AVL9: variants seen among roughly 807,000 people sequenced by gnomAD.
AVL9 encodes AVL9 cell migration associated.
A neutral mutation model predicts 79.2 loss-of-function variants in AVL9; 49 were observed. The ratio of observed to expected loss-of-function variants is 0.62; its 90% CI spans 0.49 to 0.79. AVL9 has a LOEUF of 0.79. Among genes scored for constraint, AVL9 ranks in the 30% least tolerant of loss-of-function variants. The pLI, the probability that AVL9 is intolerant of heterozygous loss-of-function variation, is 0.00. For missense variants in AVL9, 682 were observed against 776.8 expected, an observed-to-expected ratio of 0.88 and a Z score of 1.45; for synonymous variants, 299 against 280.6, an observed-to-expected ratio of 1.07 and a Z score of -0.65.
intron 1 of AVL9, among the ~76,000 whole-genome samples, chr7:32,511,609 C>T (rs115572293): frequency 0.011 from 1,715 of 151,928 alleles, 34 homozygotes; most frequent in African/African-American, 0.038. Context: ...ACGAGCAGGG[C>T]GGTGGCATAC....
intron 10 of AVL9, among the ~76,000 whole-genome samples, chr7:32,564,901 C>T (rs1025656658): frequency 5.3e-5 from 8 of 152,164 alleles, no homozygotes; most frequent in Admixed American, 5.2e-4. Flanking sequence ...TATTTGTGCT[C>T]TGCTGCTCCA....
intron 1 of AVL9, among the ~76,000 whole-genome samples, chr7:32,519,225 G>A (rs1177884580): frequency 2.0e-5 from 3 of 152,076 alleles, no homozygotes; most frequent in African/African-American, 7.2e-5. Context: ...TCAAGAGTTC[G>A]AGACCAGCCT....
At chr7:32,548,423 C>T (rs979360859) in intron 3 of AVL9, among the ~76,000 whole-genome samples, 1 of 152,164 alleles carries the variant, frequency 6.6e-6, no homozygotes, top group African/African-American at 2.4e-5. Context: ...GCTGAGATTA[C>T]AGGCTTGAGC....
chr7:32,552,585 C>T (rs1004557909), intron 6 of AVL9, among the ~76,000 whole-genome samples: 1 of 151,922 alleles, frequency 6.6e-6, no homozygotes, highest in African/African-American at 2.4e-5. Flanking sequence ...TTTTCTCACC[C>T]AGGCTGGAGT....
At chr7:32,553,278 T>C (rs1789913802) in intron 6 of AVL9, among the ~76,000 whole-genome samples, 1 of 152,258 alleles carries the variant, frequency 6.6e-6, no homozygotes, top group African/African-American at 2.4e-5. Context: ...TGTTTAATCA[T>C]TGATTGCCAC....
At position 32,559,087 on chromosome 7, in the gene AVL9, G is replaced by A. The variant is rs375129495; in HGVS notation, c.838G>A (p.Val280Ile). 3.7e-6 allele frequency: 6 copies of A among 1,614,026 alleles called. No individual in the cohort carries two copies. Among genetic ancestry groups the A allele is most frequent in the Non-Finnish European group, 5.1e-6 (6 of 1,180,016 alleles). ...SHTNLGTIRK[V>I]MAGNHGEDAA... is the part of the protein sequence containing the mutation. ...TACCAACTTGGGAACTATCAGGAAA[G>A]TCATGGCAGGAAACCATGGAGAAGA... is the stretch of plus-strand genomic sequence containing the variant. Residue 280 changes from valine to isoleucine, a missense_variant, in exon 10 of 16, where the codon GTC (valine) becomes ATC (isoleucine). By Grantham distance (29) the Val-to-Ile change is conservative. Transcript: ENST00000318709.
rs550069298 is a variant in AVL9, at chr7:32,498,870, G to T, written c.93+3068G>T. ...AGGGATAATTTAACATTTAACAAGGGATACTAAGTGTGGCCGGGTGCAGTA... is the reference window on the plus strand; with the variant it reads ...AGGGATAATTTAACATTTAACAAGGTATACTAAGTGTGGCCGGGTGCAGTA... On this transcript the variant is annotated intron_variant, in intron 1 of 15. Transcript: ENST00000318709. Among the ~76,000 whole-genome samples, 5 of 151,018 alleles carry T rather than the reference G, an allele frequency of 3.3e-5. No individual in the cohort carries two copies. The Admixed American group carries it at 3.3e-4, about 10-fold the overall frequency.
At chr7:32,530,195 T>G (rs1028215098) in intron 1 of AVL9, among the ~76,000 whole-genome samples, 1 of 152,230 alleles carries the variant, frequency 6.6e-6, no homozygotes, top group African/African-American at 2.4e-5. Context: ...AACTTGGAAC[T>G]TAGGGTAATA....
At chr7:32,510,571 A>C (rs1294355537) in intron 1 of AVL9, among the ~76,000 whole-genome samples, 1 of 140,244 alleles carries the variant, frequency 7.1e-6, no homozygotes, top group East Asian at 2.2e-4. Flanking sequence ...CCAGGGTAAG[A>C]TTTGTGAGCC....
chr7:32,574,477 G>T (rs1029149322), intron 12 of AVL9, among the ~76,000 whole-genome samples: 1 of 152,054 alleles, frequency 6.6e-6, no homozygotes, highest in Non-Finnish European at 1.5e-5. Flanking sequence ...AGTCTCCACT[G>T]CCATGTAGCT....
chr7:32,549,885 C>G (rs1212025446), intron 4 of AVL9, among the ~76,000 whole-genome samples: 1 of 144,114 alleles, frequency 6.9e-6, no homozygotes, highest in African/African-American at 2.6e-5. Context: ...AGCCACTGCA[C>G]TCCAGCCTGG....
rs967693077 is a variant in AVL9, at chr7:32,584,752, C to T, written c.*845C>T. ...CTTTTTTTTTATTCCAGAGTTTGTG[C>T]CATCTGTTTCTCTTTTTTTTTTTGG... is the stretch of plus-strand genomic sequence containing the variant. On this transcript the variant is annotated 3_prime_UTR_variant, in exon 16 of 16. Transcript: ENST00000318709. The T allele has an allele frequency of 8.4e-6, 1 of 119,166 alleles. No individual in the cohort carries two copies. The highest frequency in any genetic ancestry group is 1.6e-5 in the Non-Finnish European group (1 of 62,998). The allele number at this position is 119,166 out of a possible 1,614,324, so 7.4% of individuals were successfully genotyped here. A position where few individuals can be genotyped will look rare whatever the true frequency, so the allele number is the denominator to read the frequency against.
At position 32,585,244 on chromosome 7, in the gene AVL9, G is replaced by GT. The variant is rs1443794906; in HGVS notation, c.*1338dup. On this transcript the variant is annotated 3_prime_UTR_variant, in exon 16 of 16. Coordinates refer to ENST00000318709, the MANE Select transcript of AVL9 (RefSeq NM_015060.3). The stretch of plus-strand genomic sequence containing the variant: ...ATCTTAAAAGAAAAGCAAGGTGATT[G>GT]TAAGTATTAAATAGAAATCTCATCT... 6.6e-6 allele frequency: 1 copy of GT among 152,182 alleles called. No homozygotes were observed. Among genetic ancestry groups the GT allele is most frequent in the African/African-American group, 2.4e-5 (1 of 41,444 alleles). The allele number at this position is 152,182 out of a possible 1,614,324, so 9.4% of individuals were successfully genotyped here.
At chr7:32,498,286 C>G (rs752835337) in intron 1 of AVL9, among the ~76,000 whole-genome samples, 21 of 142,790 alleles carry the variant, frequency 1.5e-4, no homozygotes, top group Non-Finnish European at 2.4e-4. Flanking sequence ...TTCTGTCACC[C>G]AGGCTGGAGT....
At position 32,559,410 on chromosome 7, in the gene AVL9, C is replaced by G. The variant is rs779090741; in HGVS notation, c.1161C>G (p.Leu387=). The G allele has an allele frequency of 7.5e-6, 12 of 1,607,310 alleles. No individual in the cohort carries two copies. The Admixed American group carries it at 2.0e-4, about 27-fold the overall frequency. Residue 387 remains leucine, a synonymous_variant, in exon 10 of 16, where the codon CTC becomes CTG. Coordinates refer to ENST00000318709, the MANE Select transcript of AVL9 (RefSeq NM_015060.3). ...NTGQVVLIPG[L]ISGLEEDQYG... is the part of the protein sequence containing the mutation. ...GACAGGTAGTCCTGATACCAGGGCT[C>G]ATTTCGGGTTTGGAAGAGGATCAGT... is the stretch of plus-strand genomic sequence containing the variant.
intron 10 of AVL9, 118 bp downstream of exon 10, chr7:32,559,582 TGTAAA>T: frequency 1.0e-6 from 1 of 965,126 alleles, no homozygotes; most frequent in South Asian, 1.9e-5. Context: ...CCTTGAAAAC[TGTAAA>T]GTACAACCAA....
At chr7:32,579,213 C>T (rs995854526) in intron 13 of AVL9, among the ~76,000 whole-genome samples, 1 of 142,294 alleles carries the variant, frequency 7.0e-6, no homozygotes, top group African/African-American at 2.6e-5. Flanking sequence ...TTGACCCCTC[C>T]ATTTTATGTG....
chr7:32,529,717 G>T (rs1412993716), intron 1 of AVL9, among the ~76,000 whole-genome samples: 1 of 152,070 alleles, frequency 6.6e-6, no homozygotes, highest in African/African-American at 2.4e-5. Flanking sequence ...CTTAAATTGA[G>T]GTGTAACTTA....
chr7:32,526,691 G>A (rs1378248927), intron 1 of AVL9, among the ~76,000 whole-genome samples: 1 of 152,108 alleles, frequency 6.6e-6, no homozygotes, highest in Non-Finnish European at 1.5e-5. Context: ...TCTGTGAAGA[G>A]GATAGAGGAG....
Sources: gnomAD v4.1 joint callset for allele counts (sites outside exome capture counted in the v4.1 genomes callset) on GRCh38, gnomAD v4.1.1 for gene constraint, MANE v1.5 for transcripts, NCBI Gene and HGNC (gene_info 2026-07-23, HGNC 2026-07-21) for gene names.